Variants in RIBC2 observed in about 807,000 individuals in gnomAD.
RIBC2 encodes RIB43A domain with coiled-coils 2.
Under a neutral mutation model 44.3 loss-of-function variants are expected in RIBC2, and 40 were observed. That is an observed-to-expected ratio of 0.90 (90% CI 0.70 to 1.18). The LOEUF (loss-of-function observed/expected upper bound fraction) is 1.18, where lower values mean the gene tolerates loss of function less well. RIBC2 is among the 50% of genes most tolerant of loss of function. The pLI is 0.00. For synonymous variants in RIBC2, 171 were observed against 175.0 expected, an observed-to-expected ratio of 0.98 and a Z score of 0.18; for missense variants, 459 against 485.5, an observed-to-expected ratio of 0.95 and a Z score of 0.51.
rs532668203 is a variant in RIBC2, at chr22:45,413,995, G to T, written c.109G>T (p.Ala37Ser). The change falls in exon 1 of 7, where the codon GCC (alanine) becomes TCC (serine). Residue 37 changes from alanine to serine, a missense_variant. Ala to Ser is a moderately conservative substitution (Grantham distance 99). Transcript: ENST00000614167. ...ELCRQKRVFN[A>S]RNRIIGGDTE... is the part of the protein sequence containing the mutation. Reference sequence around the variant, plus strand: ...GTGCAGGCAGAAGCGGGTCTTCAACGCCAGAAACAGGATAATTGGGGTGAA... The same window carrying T: ...GTGCAGGCAGAAGCGGGTCTTCAACTCCAGAAACAGGATAATTGGGGTGAA... The T allele has an allele frequency of 3.9e-6, 6 of 1,551,504 alleles. No individual in the cohort carries two copies. The highest frequency in any genetic ancestry group is 3.9e-5 in the Admixed American group (2 of 50,978).
At chr22:45,418,096 T>A in intron 3 of RIBC2, 150 bp downstream of exon 3, 1 of 610,504 alleles carries the variant, frequency 1.6e-6, no homozygotes, top group East Asian at 2.9e-5. Flanking sequence ...GTCCTACCAA[T>A]GTGCACAGAC....
chr22:45,432,016 C>T (rs1171902607), intron 6 of RIBC2, among the ~76,000 whole-genome samples: 2 of 152,128 alleles, frequency 1.3e-5, no homozygotes, highest in East Asian at 1.9e-4. Flanking sequence ...ACAGGGTGAA[C>T]ACCCACGGAG....
At position 45,426,218 on chromosome 22, in the gene RIBC2, TC is replaced by T. The variant is rs576971373; in HGVS notation, c.903+44del. The T allele has an allele frequency of 1.5e-3, 2,267 of 1,543,662 alleles. 24 individuals are homozygous for T. Among genetic ancestry groups the T allele is most frequent in the East Asian group, 4.6e-3 (200 of 43,866 alleles). The stretch of plus-strand genomic sequence containing the variant: ...TTTTCCAGAGCCCATAGAGCCAGGC[TC>T]TTTGCTCCCACTGCCTTCCAGGCAC... On this transcript the variant is annotated intron_variant, in intron 5 of 6. Transcript: ENST00000614167.
chr22:45,422,477 G>A, intron 4 of RIBC2, 69 bp downstream of exon 4: 3 of 1,107,084 alleles, frequency 2.7e-6, no homozygotes, highest in Middle Eastern at 4.0e-4. Context: ...GCTTCCCAAG[G>A]CTCTCCGGCT....
chr22:45,413,769 A>G lies in RIBC2; in HGVS notation c.-118A>G, dbSNP rs2087387189. On this transcript the variant is annotated 5_prime_UTR_variant, in exon 1 of 7. Transcript: ENST00000614167. ...TGGGAGCCCGACGGAAAACTGCGCT[A>G]AAGGCTTGTCTTTCCCCTGCCCGAC... The G allele has an allele frequency of 1.4e-6, 2 of 1,389,046 alleles. No individual in the cohort carries two copies. Among genetic ancestry groups the G allele is most frequent in the Non-Finnish European group, 9.7e-7 (1 of 1,035,800 alleles). The allele number at this position is 1,389,046 out of a possible 1,614,324, so 86.0% of individuals were successfully genotyped here.
intron 2 of RIBC2, 94 bp downstream of exon 2, chr22:45,414,497 T>A (rs1267206009): frequency 6.4e-6 from 5 of 776,400 alleles, no homozygotes; most frequent in Admixed American, 3.4e-5. Flanking sequence ...CCTTTTTTTT[T>A]TTATTTTTTA....
At chr22:45,426,758 G>C (rs1427620010) in intron 5 of RIBC2, among the ~76,000 whole-genome samples, 1 of 152,208 alleles carries the variant, frequency 6.6e-6, no homozygotes, top group Non-Finnish European at 1.5e-5. Flanking sequence ...ACTAGGGGCT[G>C]AGGGGGAAGG....
rs147655068 is a variant in RIBC2 at position 45,417,755 on chromosome 22, C to G, written c.365C>G (p.Ala122Gly). The change falls in exon 3 of 7, where the codon GCC becomes GGC. Residue 122 changes from alanine to glycine, a missense_variant. Coordinates refer to ENST00000614167, the MANE Select transcript of RIBC2 (RefSeq NM_015653.5). The stretch of plus-strand genomic sequence containing the variant: ...GAATTTGATCTGTCCGACCCCCTAG[C>G]CCTTAAGAAAGATCTTCCAGCCCGG... ...RREFDLSDPL[A>G]LKKDLPARQS... 3.7e-6 allele frequency: 6 copies of G among 1,614,098 alleles called. No individual in the cohort carries two copies. In the African/African-American group the frequency reaches 6.7e-5, roughly 18 times the overall value.
In RIBC2 at chr22:45,413,807, C is replaced by G; in HGVS notation, c.-80C>G. 6.8e-7 allele frequency: 1 copy of G among 1,471,022 alleles called. No individual in the cohort carries two copies. The highest frequency in any genetic ancestry group is 9.0e-7 in the Non-Finnish European group (1 of 1,105,484). 91.1% of individuals were successfully genotyped at this position (1,471,022 alleles called of 1,614,324 possible). Reference sequence around the variant, plus strand: ...TCCCCTGCCCGACCGAAGGAGCCGACCTTGCCTGCGCTACAGCTTCCTTAT... The same window carrying G: ...TCCCCTGCCCGACCGAAGGAGCCGAGCTTGCCTGCGCTACAGCTTCCTTAT... On this transcript the variant is annotated 5_prime_UTR_variant, in exon 1 of 7. Coordinates refer to ENST00000614167, the MANE Select transcript of RIBC2 (RefSeq NM_015653.5).
intron 3 of RIBC2, among the ~76,000 whole-genome samples, chr22:45,421,535 T>TTAA (rs1245395198): frequency 8.6e-5 from 3 of 34,722 alleles, no homozygotes; most frequent in African/African-American, 2.0e-4. Context: ...AATAGTATTA[T>TTAA]TAATAATATT....
In RIBC2 at chr22:45,417,921, C is replaced by T. The variant is rs762701208; in HGVS notation, c.531C>T (p.Asn177=). The T allele has an allele frequency of 1.6e-5, 26 of 1,607,102 alleles. No individual in the cohort carries two copies. Among genetic ancestry groups the T allele is most frequent in the South Asian group, 1.5e-4 (14 of 90,670 alleles). ...TGCAGCAGCAAAGGGAATGGAAGAA[C>T]GCCCGTGCTGAACAAAAATGCGCAG... ...WSLQQQREWK[N]ARAEQKCAEA... is the part of the protein sequence containing the mutation. Residue 177 remains asparagine, a synonymous_variant, in exon 3 of 7, where the codon AAC becomes AAT. Transcript: ENST00000614167.
rs556509662 is a variant in RIBC2 at position 45,430,616 on chromosome 22, G to A, written c.904-284G>A. ...CCTGCACCTGGGAGCCCTGCACCCCGGAGCTGGGAGTGGAGGCTGCTGTAG... is the reference window on the plus strand; with the variant it reads ...CCTGCACCTGGGAGCCCTGCACCCCAGAGCTGGGAGTGGAGGCTGCTGTAG... On this transcript the variant is annotated intron_variant, in intron 5 of 6. Coordinates refer to ENST00000614167, the MANE Select transcript of RIBC2 (RefSeq NM_015653.5). 5.5e-3 allele frequency among the ~76,000 whole-genome samples: 835 copies of A among 152,306 alleles called. 6 individuals are homozygous for A. Among genetic ancestry groups the A allele is most frequent in the African/African-American group, 0.019 (790 of 41,574 alleles).
At position 45,422,427 on chromosome 22, in the gene RIBC2, C is replaced by T. The variant is rs1250740239; in HGVS notation, c.675+19C>T. Reference sequence around the variant, plus strand: ...GAGCCAGGTATAGGTACTCCGCGACCTCGGGCTCGACGACTGGAGGGGAGG... The same window carrying T: ...GAGCCAGGTATAGGTACTCCGCGACTTCGGGCTCGACGACTGGAGGGGAGG... On this transcript the variant is annotated intron_variant, in intron 4 of 6. Transcript: ENST00000614167. The T allele has an allele frequency of 9.5e-6, 15 of 1,571,016 alleles. No homozygotes were observed. In the South Asian group the frequency reaches 1.2e-4, roughly 13 times the overall value.
At chr22:45,416,804 CATT>C (rs2087429231) in intron 2 of RIBC2, among the ~76,000 whole-genome samples, 1 of 151,760 alleles carries the variant, frequency 6.6e-6, no homozygotes, top group Non-Finnish European at 1.5e-5. Context: ...TAATGTGTGC[CATT>C]ATTAGCATTT....
At position 45,431,042 on chromosome 22, in the gene RIBC2, G is replaced by T; in HGVS notation, c.1046G>T (p.Ser349Ile). 1 of 1,579,606 alleles carries T rather than the reference G, an allele frequency of 6.3e-7. No individual in the cohort carries two copies. Among genetic ancestry groups the T allele is most frequent in the Non-Finnish European group, 8.6e-7 (1 of 1,162,902 alleles). Reference protein sequence around the residue: ...LRRALDSSNLSLAKEQHLQKK... With the variant: ...LRRALDSSNLILAKEQHLQKK... ...AGAGCTCTGGACAGCAGCAACCTCA[G>T]CCTGGCCAAGGAGCAGCATTTGCAG... Residue 349 changes from serine (S) to isoleucine (I), a missense_variant, in exon 6 of 7, where the codon AGC becomes ATC. Coordinates refer to ENST00000614167, the MANE Select transcript of RIBC2 (RefSeq NM_015653.5).
intron 5 of RIBC2, among the ~76,000 whole-genome samples, chr22:45,426,804 A>G (rs2087538740): frequency 1.3e-5 from 2 of 152,146 alleles, no homozygotes; most frequent in African/African-American, 4.8e-5. Context: ...CAGTGTTCAC[A>G]GCGAGAGGTG....
chr22:45,430,873 G>T, intron 5 of RIBC2, 27 bp from the exon 6 acceptor site: 4 of 1,535,016 alleles, frequency 2.6e-6, no homozygotes, highest in Non-Finnish European at 3.5e-6. Context: ...GGGAAAGGTG[G>T]TGGTGAGCCG....
chr22:45,430,882 C>T lies in RIBC2; in HGVS notation c.904-18C>T, dbSNP rs748678910. On this transcript the variant is annotated intron_variant, in intron 5 of 6. Coordinates refer to ENST00000614167, the MANE Select transcript of RIBC2 (RefSeq NM_015653.5). ...GCTCTGGGGAAAGGTGGTGGTGAGC[C>T]GCCTCTTTTCCTTCCAGAGGCTCCA... The T allele has an allele frequency of 7.2e-5, 111 of 1,546,310 alleles. No individual in the cohort carries two copies. In the Middle Eastern group the frequency reaches 1.3e-3, roughly 18 times the overall value.
chr22:45,430,133 G>T (rs1172290686), intron 5 of RIBC2, among the ~76,000 whole-genome samples: 1 of 152,186 alleles, frequency 6.6e-6, no homozygotes, highest in Admixed American at 6.5e-5. Context: ...GACAAAGCCC[G>T]CCAGCCTGCC....
Sources: allele counts gnomAD v4.1 joint callset (sites outside exome capture counted in the v4.1 genomes callset), GRCh38; gene constraint gnomAD v4.1.1; transcripts MANE v1.5; gene names NCBI Gene and HGNC (gene_info 2026-07-23, HGNC 2026-07-21).